Variants in SIK2 observed in about 807,000 individuals in gnomAD.
SIK2 encodes the protein serine/threonine-protein kinase SIK2.
A neutral mutation model predicts 103.2 loss-of-function variants in SIK2; 29 were observed. The observed-to-expected ratio is 0.28, with a 90% CI of 0.21 to 0.38. SIK2 has a LOEUF of 0.38. SIK2 is among the 10% of genes least tolerant of loss of function. The pLI, the probability that SIK2 is intolerant of heterozygous loss-of-function variation, is 1.00. For synonymous variants in SIK2, 412 were observed against 446.1 expected, an observed-to-expected ratio of 0.92 and a Z score of 0.96; for missense variants, 879 against 1,171.0, an observed-to-expected ratio of 0.75 and a Z score of 3.64.
chr11:111,667,488 CTTT>C (rs565449284), intron 3 of SIK2, among the ~76,000 whole-genome samples: 22 of 105,378 alleles, frequency 2.1e-4, no homozygotes, highest in Non-Finnish European at 1.2e-4. Flanking sequence ...TGTTGGTTAT[CTTT>C]TTTTTTTTTT....
chr11:111,703,114 C>T, intron 6 of SIK2, 89 bp from the exon 7 acceptor site: 10 of 1,135,498 alleles, frequency 8.8e-6, no homozygotes, highest in Non-Finnish European at 1.3e-5. Context: ...CAAAGATTAA[C>T]ACCCTTGTAC....
intron 3 of SIK2, among the ~76,000 whole-genome samples, chr11:111,685,293 T>A (rs1302060877): frequency 6.6e-6 from 1 of 152,182 alleles, no homozygotes; most frequent in African/African-American, 2.4e-5. Flanking sequence ...CACATTCCTA[T>A]GGCAGGGGGC....
intron 3 of SIK2, among the ~76,000 whole-genome samples, chr11:111,631,859 C>A (rs1942044726): frequency 1.3e-5 from 2 of 151,986 alleles, no homozygotes; most frequent in South Asian, 2.1e-4. Flanking sequence ...AGGCTTACGC[C>A]AAAAGAGCAA....
chr11:111,658,600 AGGCACAGT>A (rs1240139797), intron 3 of SIK2, among the ~76,000 whole-genome samples: 2 of 152,156 alleles, frequency 1.3e-5, no homozygotes, highest in Admixed American at 1.3e-4. Flanking sequence ...AAAATTAGCC[AGGCACAGT>A]GGCATATGCC....
chr11:111,686,249 CG>C (rs1942844308), intron 3 of SIK2, among the ~76,000 whole-genome samples: 1 of 151,958 alleles, frequency 6.6e-6, no homozygotes, highest in Non-Finnish European at 1.5e-5. Flanking sequence ...GACACCAGCC[CG>C]GGCAACATGG....
In SIK2 at chr11:111,725,961, A is replaced by C. The variant is rs1217245113; in HGVS notation, c.*1832A>C. On this transcript the variant is annotated 3_prime_UTR_variant, in exon 15 of 15. Coordinates refer to ENST00000304987, the MANE Select transcript of SIK2 (RefSeq NM_015191.3). ...TAATAACACACAGTGAAAATCCAGG[A>C]AGAATGAATTAAGCTTCTTCTGGGA... The C allele has an allele frequency of 6.6e-6, 1 of 152,226 alleles. No individual in the cohort carries two copies. Among genetic ancestry groups the C allele is most frequent in the Non-Finnish European group, 1.5e-5 (1 of 68,054 alleles). 9.4% of individuals were successfully genotyped at this position (152,226 alleles called of 1,614,324 possible).
chr11:111,707,174 G>A (rs2135937249), intron 8 of SIK2, among the ~76,000 whole-genome samples: 1 of 152,216 alleles, frequency 6.6e-6, no homozygotes, highest in Non-Finnish European at 1.5e-5. Context: ...TAGACAAAAG[G>A]ATAGGAAGCT....
At chr11:111,630,861 C>G (rs1261374251) in intron 3 of SIK2, among the ~76,000 whole-genome samples, 1 of 152,076 alleles carries the variant, frequency 6.6e-6, no homozygotes, top group Non-Finnish European at 1.5e-5. Context: ...ATAAAACTAC[C>G]TTTTGAAGTT....
At chr11:111,621,519 G>A (rs1454032718) in intron 3 of SIK2, among the ~76,000 whole-genome samples, 3 of 151,978 alleles carry the variant, frequency 2.0e-5, no homozygotes, top group African/African-American at 7.3e-5. Context: ...AGACATTTGG[G>A]TTGGTTTCAG....
intron 1 of SIK2, among the ~76,000 whole-genome samples, chr11:111,611,188 G>A (rs989928647): frequency 4.6e-5 from 7 of 151,268 alleles, no homozygotes; most frequent in Non-Finnish European, 8.8e-5. Context: ...GGCAGAGGTT[G>A]CAGTGAGCTG....
chr11:111,701,476 C>G lies in SIK2; in HGVS notation c.628C>G (p.Leu210Val). The G allele has an allele frequency of 4.3e-6, 7 of 1,613,756 alleles. No individual in the cohort carries two copies. The highest frequency in any genetic ancestry group is 5.9e-6 in the Non-Finnish European group (7 of 1,179,780). ...IWSMGVVLYV[L>V]VCGALPFDGP... is the part of the protein sequence containing the mutation. ...GAGTATGGGAGTTGTTCTTTATGTC[C>G]TTGTCTGTGGAGCTCTGCCCTTTGA... is the stretch of plus-strand genomic sequence containing the variant. Residue 210 changes from leucine to valine, a missense_variant, in exon 6 of 15, where the codon CTT becomes GTT. Physicochemically the swap from Leu to Val is conservative, Grantham distance 32 (BLOSUM62 1). This residue lies in a region of SIK2 where 126 missense variants were observed against 245.5 expected (regional missense o/e 0.51). Transcript: ENST00000304987. This position sits in a 1 kb window ranked among gnomAD's most constrained non-coding sequence, Gnocchi z 4.2.
chr11:111,692,104 A>C (rs754116975), intron 4 of SIK2, among the ~76,000 whole-genome samples: 1 of 151,938 alleles, frequency 6.6e-6, no homozygotes, highest in African/African-American at 2.4e-5. Context: ...TAATCCTAGC[A>C]CTTTGGGAGG....
At chr11:111,692,380 A>C (rs1228266509) in intron 4 of SIK2, among the ~76,000 whole-genome samples, 5 of 144,164 alleles carry the variant, frequency 3.5e-5, no homozygotes, top group Non-Finnish European at 6.1e-5. Flanking sequence ...AAAAAAAAAA[A>C]AAAAAAAACA....
chr11:111,684,133 A>C (rs980736551), intron 3 of SIK2, among the ~76,000 whole-genome samples: 3 of 152,202 alleles, frequency 2.0e-5, no homozygotes, highest in Non-Finnish European at 4.4e-5. Context: ...CTGTCTTTAC[A>C]TGGTAACTTT....
intron 3 of SIK2, among the ~76,000 whole-genome samples, chr11:111,633,989 T>C (rs1942072287): frequency 6.6e-6 from 1 of 152,188 alleles, no homozygotes; most frequent in Admixed American, 6.5e-5. Flanking sequence ...TATTCATCCA[T>C]GTGGTCATGT....
intron 8 of SIK2, among the ~76,000 whole-genome samples, chr11:111,707,259 G>A (rs1448627067): frequency 6.6e-6 from 1 of 152,234 alleles, no homozygotes; most frequent in Non-Finnish European, 1.5e-5. Flanking sequence ...AAGTGAGGGA[G>A]TGGTGAGGGG....
At position 111,724,367 on chromosome 11, in the gene SIK2, C is replaced by T. The variant is rs557818060; in HGVS notation, c.*238C>T. 1 of 559,572 alleles carries T rather than the reference C, an allele frequency of 1.8e-6. No homozygotes were observed. Among genetic ancestry groups the T allele is most frequent in the East Asian group, 3.2e-5 (1 of 31,468 alleles). 34.7% of individuals were successfully genotyped at this position (559,572 alleles called of 1,614,324 possible). ...CATAGTTGTAGGCTGAGGCTCCTGC[C>T]CTTCGGTCGAGTGGAGCAAGCTCTC... On this transcript the variant is annotated 3_prime_UTR_variant, in exon 15 of 15. Transcript: ENST00000304987.
In SIK2 at chr11:111,728,141, TCTAA is replaced by T. The variant is rs1944037148; in HGVS notation, c.*4015_*4018del. 6.6e-6 allele frequency: 1 copy of T among 152,110 alleles called. No individual in the cohort carries two copies. The highest frequency in any genetic ancestry group is 1.5e-5 in the Non-Finnish European group (1 of 68,038). 9.4% of individuals were successfully genotyped at this position (152,110 alleles called of 1,614,324 possible). On this transcript the variant is annotated 3_prime_UTR_variant, in exon 15 of 15. Coordinates refer to ENST00000304987, the MANE Select transcript of SIK2 (RefSeq NM_015191.3). ...ACTCAAACTCCTAAACTGGGCTGCC[TCTAA>T]CTGCCTCCTGGGAAGCCACCCGAGC...
In SIK2 at chr11:111,723,602, C is replaced by G; in HGVS notation, c.2254C>G (p.Pro752Ala). 1 of 1,614,202 alleles carries G rather than the reference C, an allele frequency of 6.2e-7. No homozygotes were observed. The change falls in exon 15 of 15, where the codon CCC (proline) becomes GCC (alanine). Residue 752 changes from proline (P) to alanine (A), a missense_variant. By Grantham distance (27) the Pro-to-Ala change is conservative (BLOSUM62 -1). Coordinates refer to ENST00000304987, the MANE Select transcript of SIK2 (RefSeq NM_015191.3). ...SSYPQPSQQL[P>A]LPRQETPPPS... ...CTACCCACAGCCAAGTCAGCAGCTG[C>G]CCCTTCCCCGCCAGGAGACTCCACC...
Sources: gnomAD v4.1 joint callset for allele counts (sites outside exome capture counted in the v4.1 genomes callset) on GRCh38, gnomAD v4.1.1 for gene constraint, gnomAD v4.1.1 regional missense constraint, Gnocchi (gnomAD v3.1) non-coding constraint, MANE v1.5 for transcripts, NCBI Gene and HGNC (gene_info 2026-07-23, HGNC 2026-07-21) for gene names.